Variants in EYA3 observed in about 807,000 individuals in gnomAD.
EYA3 encodes EYA transcriptional coactivator and phosphatase 3.
A neutral mutation model predicts 80.0 loss-of-function variants in EYA3; 39 were observed. The observed-to-expected ratio is 0.49, with a 90% CI of 0.38 to 0.64. The LOEUF (loss-of-function observed/expected upper bound fraction) is 0.64, where lower values mean the gene tolerates loss of function less well. EYA3 is among the 30% of genes least tolerant of loss of function. The probability of loss-of-function intolerance (pLI) is 0.00; values close to 1 mark genes in which losing one functional copy is unlikely to be tolerated. For synonymous variants in EYA3, 206 were observed against 232.8 expected, an observed-to-expected ratio of 0.88 and a Z score of 1.05; for missense variants, 523 against 676.1, an observed-to-expected ratio of 0.77 and a Z score of 2.51.
intron 6 of EYA3, among the ~76,000 whole-genome samples, chr1:28,030,826 C>T (rs1643098398): frequency 6.6e-6 from 1 of 152,142 alleles, no homozygotes; most frequent in Admixed American, 6.5e-5. Flanking sequence ...ATTTTTAAAA[C>T]ATTTATGATG....
intron 11 of EYA3, among the ~76,000 whole-genome samples, chr1:28,003,150 G>C (rs1380976306): frequency 2.0e-5 from 3 of 150,480 alleles, no homozygotes; most frequent in Non-Finnish European, 4.4e-5. Context: ...GGCGCCTGTA[G>C]TCCTAGCTAC....
At chr1:28,024,550 G>A (rs1642658112) in intron 7 of EYA3, among the ~76,000 whole-genome samples, 2 of 151,370 alleles carry the variant, frequency 1.3e-5, no homozygotes, top group South Asian at 2.1e-4. Flanking sequence ...CCAGCTACAC[G>A]GGAGGCTGAG....
At chr1:28,041,573 T>A (rs151242900) in intron 4 of EYA3, among the ~76,000 whole-genome samples, 3 of 148,970 alleles carry the variant, frequency 2.0e-5, no homozygotes, top group African/African-American at 7.4e-5. Flanking sequence ...AAAAAAAAAA[T>A]AAAGAACAGA....
intron 16 of EYA3, among the ~76,000 whole-genome samples, chr1:27,982,309 A>G (rs1376021252): frequency 6.6e-6 from 1 of 151,986 alleles, no homozygotes; most frequent in African/African-American, 2.4e-5. Context: ...CACCTGGCTA[A>G]TTAAAAAAAT....
At chr1:28,060,721 G>C (rs1260502451) in intron 1 of EYA3, among the ~76,000 whole-genome samples, 2 of 151,998 alleles carry the variant, frequency 1.3e-5, no homozygotes, top group East Asian at 3.9e-4. Context: ...TCTACATTTA[G>C]AAGAAAAGAA....
intron 7 of EYA3, among the ~76,000 whole-genome samples, chr1:28,025,770 A>T (rs1642744772): frequency 6.6e-6 from 1 of 151,982 alleles, no homozygotes; most frequent in African/African-American, 2.4e-5. Flanking sequence ...ATTTCTATTT[A>T]TTTTTTTGAG....
chr1:27,999,877 C>A, intron 12 of EYA3, 83 bp downstream of exon 12: 1 of 1,041,120 alleles, frequency 9.6e-7, no homozygotes, highest in Non-Finnish European at 1.4e-6. Flanking sequence ...AAACACATAT[C>A]TTCTAATATA....
chr1:27,982,667 A>G (rs893899171), intron 16 of EYA3, among the ~76,000 whole-genome samples: 7 of 151,968 alleles, frequency 4.6e-5, no homozygotes, highest in Non-Finnish European at 2.9e-5. Flanking sequence ...ATCTTGGCTC[A>G]CTATAATCTC....
chr1:28,061,673 C>T (rs1644633022), intron 1 of EYA3, among the ~76,000 whole-genome samples: 1 of 151,784 alleles, frequency 6.6e-6, no homozygotes, highest in Non-Finnish European at 1.5e-5. Context: ...GATCTCAGCT[C>T]ACTGCAAGCT....
chr1:28,042,032 T>C (rs1643811753), intron 4 of EYA3, among the ~76,000 whole-genome samples: 7 of 152,166 alleles, frequency 4.6e-5, no homozygotes. Context: ...CCTGGCTAAC[T>C]TGTCAAAAAT....
At position 27,972,693 on chromosome 1, in the gene EYA3, C is replaced by A. The variant is rs886800606; in HGVS notation, c.*1773G>T. ...CTCTCTCTGTGTAGCCTGGGAGAGG[C>A]TGAACTTCCTCAGCTCTAGGGAATT... On this transcript the variant is annotated 3_prime_UTR_variant, in exon 18 of 18. Coordinates refer to ENST00000373871, the MANE Select transcript of EYA3 (RefSeq NM_001990.4). 1.3e-5 allele frequency: 2 copies of A among 152,236 alleles called. No homozygotes were observed. The highest frequency in any genetic ancestry group is 6.5e-5 in the Admixed American group (1 of 15,284). 9.4% of individuals were successfully genotyped at this position (152,236 alleles called of 1,614,324 possible).
At chr1:28,040,537 G>C (rs1339746862) in intron 4 of EYA3, among the ~76,000 whole-genome samples, 1 of 152,168 alleles carries the variant, frequency 6.6e-6, no homozygotes, top group Non-Finnish European at 1.5e-5. Flanking sequence ...CCCAAAAGAG[G>C]AAACATGGTA....
intron 10 of EYA3, among the ~76,000 whole-genome samples, chr1:28,004,622 T>C (rs1345627234): frequency 9.9e-5 from 15 of 152,078 alleles, no homozygotes; most frequent in Non-Finnish European, 2.2e-4. Flanking sequence ...AAATAAAACA[T>C]TAAATTTGTG....
At chr1:28,020,550 A>G (rs1396260809) in intron 7 of EYA3, among the ~76,000 whole-genome samples, 2 of 152,072 alleles carry the variant, frequency 1.3e-5, no homozygotes, top group Non-Finnish European at 2.9e-5. Flanking sequence ...TTAGGCTCTT[A>G]TAACCACCAT....
chr1:28,022,861 C>T lies in EYA3; in HGVS notation c.499+4928G>A, dbSNP rs115532737. ...CTCCCCAAGTAGCTGGGACTACAGGCACGCACCACTGCACTTGGCTAATTT... is the reference window on the plus strand; with the variant it reads ...CTCCCCAAGTAGCTGGGACTACAGGTACGCACCACTGCACTTGGCTAATTT... On this transcript the variant is annotated intron_variant, in intron 7 of 17. Transcript: ENST00000373871. Among the ~76,000 whole-genome samples the T allele has an allele frequency of 6.9e-3, 1,049 of 152,236 alleles. 4 individuals carry two copies. The highest frequency in any genetic ancestry group is 9.4e-3 in the Non-Finnish European group (641 of 68,002).
At chr1:27,993,300 T>C (rs1283628896) in intron 14 of EYA3, 100 bp downstream of exon 14, 8 of 1,272,636 alleles carry the variant, frequency 6.3e-6, no homozygotes, top group Non-Finnish European at 8.8e-6. Flanking sequence ...TGTGGCATAA[T>C]TTATAAGCAG....
At chr1:27,988,393 T>C (rs1328723801) in intron 16 of EYA3, 142 bp downstream of exon 16, 1 of 927,572 alleles carries the variant, frequency 1.1e-6, no homozygotes, top group Non-Finnish European at 1.6e-6. Context: ...ATTGCATTAC[T>C]GAAAATATTA....
intron 7 of EYA3, among the ~76,000 whole-genome samples, chr1:28,023,896 CT>C (rs1231151684): frequency 1.2e-4 from 18 of 152,262 alleles, no homozygotes; most frequent in Middle Eastern, 3.4e-3. Flanking sequence ...TATGGGAACT[CT>C]CTGTACTGTC....
rs959152431 is a variant in EYA3 at position 27,970,929 on chromosome 1, G to C, written c.*3537C>G. The C allele has an allele frequency of 2.0e-5, 3 of 152,238 alleles. No individual in the cohort carries two copies. The highest frequency in any genetic ancestry group is 4.8e-5 in the African/African-American group (2 of 41,458). 9.4% of individuals were successfully genotyped at this position (152,238 alleles called of 1,614,324 possible). On this transcript the variant is annotated 3_prime_UTR_variant, in exon 18 of 18. Coordinates refer to ENST00000373871, the MANE Select transcript of EYA3 (RefSeq NM_001990.4). ...GTGACACTGACAACCATTCAAGGTAGTAAACATCTAGAAGCTCCACATGCT... is the reference window on the plus strand; with the variant it reads ...GTGACACTGACAACCATTCAAGGTACTAAACATCTAGAAGCTCCACATGCT...
Sources: allele counts gnomAD v4.1 joint callset (sites outside exome capture counted in the v4.1 genomes callset), GRCh38; gene constraint gnomAD v4.1.1; transcripts MANE v1.5; gene names NCBI Gene and HGNC (gene_info 2026-07-23, HGNC 2026-07-21).